The following ZMYM4 variants were observed in gnomAD, a reference collection of about 807,000 sequenced individuals.
The protein encoded by ZMYM4 is zinc finger MYM-type containing 4.
ZMYM4 carries 31 observed loss-of-function variants against 183.2 expected under a neutral mutation model. The ratio of observed to expected loss-of-function variants is 0.17; its 90% CI spans 0.13 to 0.23. ZMYM4 has a LOEUF of 0.23. Ranked by LOEUF, ZMYM4 falls within the 10% of genes least tolerant of loss-of-function variation. ZMYM4 has a pLI of 1.00. For missense variants in ZMYM4, 1,273 were observed against 1,840.3 expected, an observed-to-expected ratio of 0.69 and a Z score of 5.64; for synonymous variants, 592 against 631.2, an observed-to-expected ratio of 0.94 and a Z score of 0.93.
intron 2 of ZMYM4, among the ~76,000 whole-genome samples, chr1:35,330,731 T>C (rs1392757230): frequency 1.3e-5 from 2 of 152,184 alleles, no homozygotes; most frequent in Non-Finnish European, 2.9e-5. Context: ...AGGAGCAAAC[T>C]AAGGCTTAGA....
chr1:35,370,006 A>AT, intron 5 of ZMYM4, 23 bp from the exon 6 acceptor site: 1 of 1,549,786 alleles, frequency 6.5e-7, no homozygotes, highest in South Asian at 1.1e-5. Context: ...CTATGTATTT[A>AT]TTTATTTTTT....
At chr1:35,363,730 T>C (rs1177684925) in intron 5 of ZMYM4, among the ~76,000 whole-genome samples, 1 of 152,190 alleles carries the variant, frequency 6.6e-6, no homozygotes, top group Non-Finnish European at 1.5e-5. Context: ...AATAAAAGCA[T>C]GTTTATAGAA....
intron 1 of ZMYM4, among the ~76,000 whole-genome samples, chr1:35,300,725 C>T (rs1211595963): frequency 6.6e-6 from 1 of 152,120 alleles, no homozygotes; most frequent in Non-Finnish European, 1.5e-5. Context: ...TTTTTCATCT[C>T]TAAGTTCAGT....
In ZMYM4 at chr1:35,389,779, A is replaced by ATGTGTGTGTGTGTGTG. The variant is rs879004452; in HGVS notation, c.2437-168_2437-167insGTGTGTGTGTGTGTGT. Among the ~76,000 whole-genome samples, 4 of 114,298 alleles carry ATGTGTGTGTGTGTGTG rather than the reference A, an allele frequency of 3.5e-5. No homozygotes were observed. The highest frequency in any genetic ancestry group is 2.4e-4 in the African/African-American group (4 of 16,632). The allele number at this position is 114,298 out of a possible 152,430, so 75.0% of individuals were successfully genotyped here. On this transcript the variant is annotated intron_variant, in intron 14 of 29. Coordinates refer to ENST00000314607, the MANE Select transcript of ZMYM4 (RefSeq NM_005095.3). The surrounding 1 kb of genome is among the most constrained non-coding windows in gnomAD (Gnocchi z 4.0). Reference sequence around the variant, plus strand: ...CAAAAAAAAAAAAAAATATATATATATATGTGTGTGTGTGTGTGTGTGTGT... The same window carrying ATGTGTGTGTGTGTGTG: ...CAAAAAAAAAAAAAAATATATATATATGTGTGTGTGTGTGTGTATGTGTGTGTGTGTGTGTGTGTGT...
intron 1 of ZMYM4, among the ~76,000 whole-genome samples, chr1:35,301,760 C>T (rs925705652): frequency 6.6e-6 from 1 of 152,080 alleles, no homozygotes; most frequent in Non-Finnish European, 1.5e-5. Context: ...CAGTGTATCT[C>T]TCTCCTTTTT....
chr1:35,309,159 G>T, intron 1 of ZMYM4: 1 of 519,966 alleles, frequency 1.9e-6, no homozygotes, highest in East Asian at 1.5e-4. Context: ...CTTAACTGTT[G>T]ACATTTTATA....
chr1:35,270,887 G>C (rs967450475), intron 1 of ZMYM4, among the ~76,000 whole-genome samples: 4 of 152,068 alleles, frequency 2.6e-5, no homozygotes, highest in Non-Finnish European at 5.9e-5. Context: ...TCATCGTAGT[G>C]TTTTGAACAA....
chr1:35,301,141 G>A (rs1237435357), intron 1 of ZMYM4, among the ~76,000 whole-genome samples: 1 of 152,134 alleles, frequency 6.6e-6, no homozygotes, highest in Non-Finnish European at 1.5e-5. Context: ...TCTTTGTTAC[G>A]TGGTGGCACC....
chr1:35,323,200 C>T (rs1001935523), intron 1 of ZMYM4, among the ~76,000 whole-genome samples: 1 of 152,002 alleles, frequency 6.6e-6, no homozygotes, highest in African/African-American at 2.4e-5. Context: ...TGGGTTTTTG[C>T]CATGTTGGCC....
At chr1:35,417,667 A>G (rs1350328271) in intron 28 of ZMYM4, among the ~76,000 whole-genome samples, 1 of 151,696 alleles carries the variant, frequency 6.6e-6, no homozygotes, top group Non-Finnish European at 1.5e-5. Flanking sequence ...TGCTGTGATC[A>G]CACCATCATG....
At chr1:35,332,326 T>C (rs1642787206) in intron 2 of ZMYM4, among the ~76,000 whole-genome samples, 1 of 151,982 alleles carries the variant, frequency 6.6e-6, no homozygotes, top group African/African-American at 2.4e-5. Flanking sequence ...AATCACCCCA[T>C]AACTAATGGT....
chr1:35,280,130 GTC>G lies in ZMYM4; in HGVS notation c.39+11059_39+11060del, dbSNP rs772713809. Among the ~76,000 whole-genome samples, 77 of 141,120 alleles carry G rather than the reference GTC, an allele frequency of 5.5e-4. 2 individuals are homozygous for G. Among genetic ancestry groups the G allele is most frequent in the East Asian group, 1.2e-3 (6 of 4,892 alleles). The allele number at this position is 141,120 out of a possible 152,430, so 92.6% of individuals were successfully genotyped here. ...TTTTGTTACTTTCTTTTCTTTCTTT[GTC>G]TCTCTCTCTCTCTTTCTTTCTTCCT... On this transcript the variant is annotated intron_variant, in intron 1 of 29. Transcript: ENST00000314607.
intron 1 of ZMYM4, among the ~76,000 whole-genome samples, chr1:35,273,277 A>G (rs1193869618): frequency 2.0e-5 from 3 of 152,184 alleles, no homozygotes; most frequent in Admixed American, 1.3e-4. Flanking sequence ...TCACACCCAC[A>G]CAAATACATA....
In ZMYM4 at chr1:35,420,512, C is replaced by T. The variant is rs911445453; in HGVS notation, c.*835C>T. 7.2e-5 allele frequency: 11 copies of T among 152,754 alleles called. No individual in the cohort carries two copies. Among genetic ancestry groups the T allele is most frequent in the African/African-American group, 2.4e-4 (10 of 41,570 alleles). 9.5% of individuals were successfully genotyped at this position (152,754 alleles called of 1,614,324 possible). A position where few individuals can be genotyped will look rare whatever the true frequency, so the allele number is the denominator to read the frequency against. ...GTGTGGGCCCTTATTGCAGCTGTCT[C>T]ACAGCCTGAGCTGTGGTACAGAGAA... On this transcript the variant is annotated 3_prime_UTR_variant, in exon 30 of 30. Transcript: ENST00000314607.
At chr1:35,269,839 G>GT (rs1279645720) in intron 1 of ZMYM4, among the ~76,000 whole-genome samples, 4 of 152,076 alleles carry the variant, frequency 2.6e-5, no homozygotes, top group Non-Finnish European at 4.4e-5. Flanking sequence ...ATTCTGAGTG[G>GT]TTTTTTTCAG....
intron 1 of ZMYM4, among the ~76,000 whole-genome samples, chr1:35,312,969 C>G (rs2148788113): frequency 6.6e-6 from 1 of 152,374 alleles, no homozygotes; most frequent in Admixed American, 6.5e-5. Flanking sequence ...TCTTAGCTCA[C>G]TGTAACGTCT....
chr1:35,302,525 A>T (rs1641338028), intron 1 of ZMYM4, among the ~76,000 whole-genome samples: 1 of 151,228 alleles, frequency 6.6e-6, no homozygotes, highest in Admixed American at 6.6e-5. Context: ...AGCTGGAACT[A>T]TGGGTGCCTG....
intron 17 of ZMYM4, among the ~76,000 whole-genome samples, chr1:35,393,286 A>G (rs1644743888): frequency 6.6e-6 from 1 of 152,202 alleles, no homozygotes. Context: ...TCAGGAAGTA[A>G]GAATTCTCAT....
intron 2 of ZMYM4, among the ~76,000 whole-genome samples, chr1:35,356,744 A>G (rs537884085): frequency 1.6e-4 from 24 of 152,328 alleles, no homozygotes; most frequent in African/African-American, 5.8e-4. Flanking sequence ...CCTAATAAAT[A>G]TGTACTGAAT....
Sources: allele counts gnomAD v4.1 joint callset (sites outside exome capture counted in the v4.1 genomes callset), GRCh38; gene constraint gnomAD v4.1.1; non-coding constraint Gnocchi (gnomAD v3.1); transcripts MANE v1.5; gene names NCBI Gene and HGNC (gene_info 2026-07-23, HGNC 2026-07-21).